Variants in SMPD4 observed in about 807,000 individuals in gnomAD.
The protein encoded by SMPD4 is sphingomyelin phosphodiesterase 4.
Under a neutral mutation model 97.8 loss-of-function variants are expected in SMPD4, and 58 were observed. The ratio of observed to expected loss-of-function variants is 0.59; its 90% CI spans 0.48 to 0.74. SMPD4 has a LOEUF of 0.74. Among genes scored for constraint, SMPD4 ranks in the 30% least tolerant of loss-of-function variants. The pLI, the probability that SMPD4 is intolerant of heterozygous loss-of-function variation, is 0.00. For missense variants in SMPD4, 853 were observed against 1,080.5 expected (o/e 0.79, Z 2.95); for synonymous variants, 388 against 450.0 (o/e 0.86, Z 1.74).
In SMPD4 at chr2:130,157,305, T is replaced by C. The variant is rs1686912693; in HGVS notation, c.1043A>G (p.Gln348Arg). Residue 348 changes from glutamine (Q) to arginine (R), a missense_variant, in exon 12 of 20, where the codon CAG (glutamine) becomes CGG (arginine). Physicochemically the swap from Gln to Arg is conservative, Grantham distance 43 (BLOSUM62 1). Coordinates refer to ENST00000680298, the MANE Select transcript of SMPD4 (RefSeq NM_017951.5). ...GTGGGAGTGGGCGGAGGGTGAGGCCTGCTCTGGCTTCAGGCTGTTGGCAAA... is the reference window on the plus strand; with the variant it reads ...GTGGGAGTGGGCGGAGGGTGAGGCCCGCTCTGGCTTCAGGCTGTTGGCAAA... ...HAFANSLKPE[Q>R]ASPSAHSHAT... 6.3e-7 allele frequency: 1 copy of C among 1,575,396 alleles called. No homozygotes were observed.
In SMPD4 at chr2:130,153,439, C is replaced by T. The variant is rs147072667; in HGVS notation, c.1905G>A (p.Ala635=). ...AGGCGAGTGTGAACTGCCTGAGCTG[C>T]GCTTCGCTGAGCTGCCAGAGAGAAA... ...YLRQIFRLSE[A]QLRQFTLALG... The change falls in exon 18 of 20, where the codon GCG becomes GCA. Residue 635 remains alanine (A), a synonymous_variant. Transcript: ENST00000680298. 47 of 1,613,724 alleles carry T rather than the reference C, an allele frequency of 2.9e-5. No individual in the cohort carries two copies. The highest frequency in any genetic ancestry group is 3.7e-5 in the Non-Finnish European group (44 of 1,180,002).
rs112759610 is a variant in SMPD4 at position 130,171,527 on chromosome 2, ACCTC to A, written c.659+818_659+821del. Reference sequence around the variant, plus strand: ...ATCTAAGAGGGTGTGAATCTGCCTCACCTCCGAGTCCTCCACAGGATCAGCAACA... The same window carrying A: ...ATCTAAGAGGGTGTGAATCTGCCTCACGAGTCCTCCACAGGATCAGCAACA... On this transcript the variant is annotated intron_variant, in intron 8 of 19. Transcript: ENST00000680298. 6.3e-3 allele frequency among the ~76,000 whole-genome samples: 952 copies of A among 152,264 alleles called. 6 individuals are homozygous for A. The highest frequency in any genetic ancestry group is 0.021 in the African/African-American group (892 of 41,540).
At chr2:130,180,335 C>A (rs1015437364) in intron 1 of SMPD4, among the ~76,000 whole-genome samples, 6 of 151,592 alleles carry the variant, frequency 4.0e-5, no homozygotes, top group African/African-American at 1.5e-4. Context: ...TGCAGTGGCG[C>A]GATCTCAGCT....
Position 130,173,651 on chromosome 2 carries a change from C to T in SMPD4, c.132G>A (p.Leu44=). 1 of 1,613,904 alleles carries T rather than the reference C, an allele frequency of 6.2e-7. No individual in the cohort carries two copies. ...CTACCAGCCATGGGAAGATGGTGTGCAGCTCCTGAAACAATGTGTGGTGAA... is the reference window on the plus strand; with the variant it reads ...CTACCAGCCATGGGAAGATGGTGTGTAGCTCCTGAAACAATGTGTGGTGAA... ...KVIEDFPAKE[L]HTIFPWLVES... The change falls in exon 4 of 20, where the codon CTG becomes CTA. Residue 44 remains leucine (L), a synonymous_variant. Coordinates refer to ENST00000680298, the MANE Select transcript of SMPD4 (RefSeq NM_017951.5).
chr2:130,162,998 G>A (rs889995416), intron 10 of SMPD4, among the ~76,000 whole-genome samples: 26 of 152,190 alleles, frequency 1.7e-4, no homozygotes, highest in Non-Finnish European at 3.4e-4. Flanking sequence ...CCTCTGGCCC[G>A]TGAGGACACA....
At chr2:130,163,727 G>A (rs1234271983) in intron 10 of SMPD4, among the ~76,000 whole-genome samples, 2 of 152,252 alleles carry the variant, frequency 1.3e-5, no homozygotes, top group Non-Finnish European at 2.9e-5. Flanking sequence ...ACCGGTCCAG[G>A]GGTGGTGCTA....
chr2:130,161,222 G>A lies in SMPD4; in HGVS notation c.915C>T (p.Pro305=), dbSNP rs372269103. 6.2e-6 allele frequency: 10 copies of A among 1,613,762 alleles called. No homozygotes were observed. Among genetic ancestry groups the A allele is most frequent in the African/African-American group, 4.0e-5 (3 of 74,924 alleles). Reference sequence around the variant, plus strand: ...GGAGGGCCTGGAGGCTGGGTTGGGCGGGGCTGTAGAGGGCGCTGGAGACAC... The same window carrying A: ...GGAGGGCCTGGAGGCTGGGTTGGGCAGGGCTGTAGAGGGCGCTGGAGACAC... ...RLSVSSALYS[P]AQPSLQALHA... is the part of the protein sequence containing the mutation. The change falls in exon 11 of 20, where the codon CCC becomes CCT. Residue 305 remains proline (P), a synonymous_variant. Coordinates refer to ENST00000680298, the MANE Select transcript of SMPD4 (RefSeq NM_017951.5).
intron 9 of SMPD4, among the ~76,000 whole-genome samples, chr2:130,165,108 TAAAAAAAAAAAAAAAAAAAAAAAA>T (rs35361623): frequency 1.9e-4 from 12 of 61,914 alleles, no homozygotes; most frequent in African/African-American, 8.3e-4. Flanking sequence ...GACTCTGATT[TAAAAAAAAAAAAAAAAAAAAAAAA>T]AAAAAGGGCT....
chr2:130,159,049 T>C (rs1687133140), intron 11 of SMPD4, among the ~76,000 whole-genome samples: 1 of 151,950 alleles, frequency 6.6e-6, no homozygotes. Context: ...ACCCGCGCTG[T>C]AGTGTCGTGG....
intron 9 of SMPD4, 102 bp downstream of exon 9, chr2:130,167,356 G>A: frequency 6.5e-7 from 1 of 1,530,830 alleles, no homozygotes; most frequent in Non-Finnish European, 8.9e-7. Flanking sequence ...CCTGACCTCA[G>A]GTCATCTGCC....
In SMPD4 at chr2:130,153,946, G is replaced by A; in HGVS notation, c.1660-11C>T. Reference sequence around the variant, plus strand: ...AGCGAGGCGCAGGACCTGCAAGGGAGGCGCGGGCAGGTCACCAGCAGGACA... The same window carrying A: ...AGCGAGGCGCAGGACCTGCAAGGGAAGCGCGGGCAGGTCACCAGCAGGACA... On this transcript the variant is annotated splice_polypyrimidine_tract_variant and intron_variant, in intron 16 of 19. Coordinates refer to ENST00000680298, the MANE Select transcript of SMPD4 (RefSeq NM_017951.5). 6.2e-7 allele frequency: 1 copy of A among 1,609,976 alleles called. No homozygotes were observed.
intron 1 of SMPD4, chr2:130,181,326 G>C (rs1689595346): frequency 1.4e-6 from 2 of 1,426,784 alleles, no homozygotes; most frequent in African/African-American, 2.9e-5. Context: ...GAGCCGCGCG[G>C]GAAGGTGGCA....
At chr2:130,180,384 T>G (rs986145578) in intron 1 of SMPD4, among the ~76,000 whole-genome samples, 3 of 147,616 alleles carry the variant, frequency 2.0e-5, no homozygotes, top group Admixed American at 6.8e-5. Flanking sequence ...GCAATTCTCT[T>G]ACTCAGCCTC....
In SMPD4 at chr2:130,154,265, C is replaced by T. The variant is rs377751285; in HGVS notation, c.1659+12G>A. On this transcript the variant is annotated intron_variant, in intron 16 of 19. Transcript: ENST00000680298. ...CAGGGGCCCTGAGGACAGGCACCGC[C>T]GAACCACTCACCAGGGTGCGGGCCT... The T allele has an allele frequency of 1.4e-5, 22 of 1,580,672 alleles. No individual in the cohort carries two copies. The African/African-American group carries it at 1.7e-4, about 13-fold the overall frequency.
At chr2:130,164,891 G>A (rs1687773723) in intron 9 of SMPD4, among the ~76,000 whole-genome samples, 1 of 151,704 alleles carries the variant, frequency 6.6e-6, no homozygotes, top group Non-Finnish European at 1.5e-5. Context: ...GGGATTACCT[G>A]AGGCCAGGAG....
rs1375627168 is a variant in SMPD4 at position 130,151,565 on chromosome 2, C to T, written c.*990G>A. Reference sequence around the variant, plus strand: ...AAAGCAAACCCCCAAAACCCCACACCGAAAACAAAGGCTTGGTTTGGAAAT... The same window carrying T: ...AAAGCAAACCCCCAAAACCCCACACTGAAAACAAAGGCTTGGTTTGGAAAT... On this transcript the variant is annotated 3_prime_UTR_variant, in exon 20 of 20. Transcript: ENST00000680298. The T allele has an allele frequency of 1.4e-5, 2 of 147,702 alleles. No homozygotes were observed. Among genetic ancestry groups the T allele is most frequent in the Admixed American group, 1.4e-4 (2 of 14,594 alleles). 9.1% of individuals were successfully genotyped at this position (147,702 alleles called of 1,614,324 possible).
intron 12 of SMPD4, 199 bp from the exon 13 acceptor site, chr2:130,156,874 G>A: frequency 1.4e-6 from 2 of 1,449,968 alleles, no homozygotes; most frequent in East Asian, 2.5e-5. Flanking sequence ...CACACAGCAC[G>A]CAGGCGGCCG....
rs552178219 is a variant in SMPD4 at position 130,173,561 on chromosome 2, G to A, written c.222C>T (p.Arg74=). The part of the protein sequence containing the change: ...VGWNLRCLQG[R]VNPVEYSIVM... ...CGATGCTGTACTCCACAGGATTCAC[G>A]CGCCCCTGTAAGCAGCGGAGGTTCC... Residue 74 remains arginine (R), a synonymous_variant, in exon 4 of 20, where the codon CGC becomes CGT. Transcript: ENST00000680298. 164 of 1,613,370 alleles carry A rather than the reference G, an allele frequency of 1.0e-4. No homozygotes were observed. Among genetic ancestry groups the A allele is most frequent in the Non-Finnish European group, 1.1e-4 (135 of 1,179,596 alleles).
chr2:130,180,125 G>A (rs1221398076), intron 1 of SMPD4, among the ~76,000 whole-genome samples: 2 of 150,620 alleles, frequency 1.3e-5, no homozygotes, highest in Admixed American at 6.6e-5. Flanking sequence ...CACCACGCCC[G>A]GCTAATTGTT....
Sources: allele counts gnomAD v4.1 joint callset (sites outside exome capture counted in the v4.1 genomes callset), GRCh38; gene constraint gnomAD v4.1.1; transcripts MANE v1.5; gene names NCBI Gene and HGNC (gene_info 2026-07-23, HGNC 2026-07-21).